GRM4: variants seen among roughly 807,000 people sequenced by gnomAD.
GRM4 encodes glutamate metabotropic receptor 4.
In GRM4, 28 loss-of-function variants were observed where a neutral mutation model predicts 81.7. That is an observed-to-expected ratio of 0.34 (90% confidence interval 0.25 to 0.47). GRM4 has a LOEUF of 0.47. Ranked by LOEUF, GRM4 falls within the 20% of genes least tolerant of loss-of-function variation. The probability of loss-of-function intolerance (pLI) is 1.00; values close to 1 mark genes in which losing one functional copy is unlikely to be tolerated. For missense variants in GRM4, 948 were observed against 1,290.0 expected (o/e 0.73, Z 4.06); for synonymous variants, 488 against 528.8 (o/e 0.92, Z 1.06).
At chr6:34,135,544 T>C (rs1028065686) in intron 1 of GRM4, among the ~76,000 whole-genome samples, 1 of 152,194 alleles carries the variant, frequency 6.6e-6, no homozygotes, top group Non-Finnish European at 1.5e-5. Flanking sequence ...AGTTTCATAA[T>C]ACCACCCTCT....
At chr6:34,055,311 CA>C (rs1765813748) in intron 6 of GRM4, 1 of 152,208 alleles carries the variant, frequency 6.6e-6, no homozygotes, top group Non-Finnish European at 1.5e-5. Context: ...CAAACACTGC[CA>C]CACTGGGCAC....
chr6:34,078,508 C>T lies in GRM4; in HGVS notation c.736+13375G>A, dbSNP rs1393360951. 6.6e-6 allele frequency among the ~76,000 whole-genome samples: 1 copy of T among 152,154 alleles called. No individual in the cohort carries two copies. Among genetic ancestry groups the T allele is most frequent in the Non-Finnish European group, 1.5e-5 (1 of 68,030 alleles). On this transcript the variant is annotated intron_variant, in intron 3 of 10. Coordinates refer to ENST00000538487, the MANE Select transcript of GRM4 (RefSeq NM_000841.4). This position sits in a 1 kb window ranked among gnomAD's most constrained non-coding sequence, Gnocchi z 4.8. ...TCCACCCCGTCTTCTTCCCCACCTC[C>T]ACCTTTCTATCTCACCGTCCTCTCT...
chr6:34,022,680 C>A lies in GRM4; in HGVS notation c.*141G>T. 1.4e-6 allele frequency: 1 copy of A among 706,046 alleles called. No individual in the cohort carries two copies. The highest frequency in any genetic ancestry group is 2.2e-5 in the Admixed American group (1 of 45,234). 43.7% of individuals were successfully genotyped at this position (706,046 alleles called of 1,614,324 possible). ...GGCTGCCAGCAGTGATGGCTGGGGGCTCTGCTATCCTCAGCACCAAGCCAC... is the reference window on the plus strand; with the variant it reads ...GGCTGCCAGCAGTGATGGCTGGGGGATCTGCTATCCTCAGCACCAAGCCAC... On this transcript the variant is annotated 3_prime_UTR_variant, in exon 11 of 11. Coordinates refer to ENST00000538487, the MANE Select transcript of GRM4 (RefSeq NM_000841.4). The surrounding 1 kb of genome is among the most constrained non-coding windows in gnomAD (Gnocchi z 5.6).
At chr6:34,101,128 T>C (rs149060697) in intron 2 of GRM4, among the ~76,000 whole-genome samples, 36 of 152,324 alleles carry the variant, frequency 2.4e-4, no homozygotes, top group Non-Finnish European at 4.0e-4. Context: ...TTCACACTCA[T>C]CACAGGCTGG....
intron 6 of GRM4, 93 bp downstream of exon 6, chr6:34,056,451 G>A: frequency 8.3e-7 from 1 of 1,199,386 alleles, no homozygotes; most frequent in Non-Finnish European, 1.2e-6. Context: ...GCCGACGACA[G>A]ACAAAGGGAG....
In GRM4 at chr6:34,089,804, C is replaced by T. The variant is rs886464105; in HGVS notation, c.736+2079G>A. ...TTCAGCCAAAACACAATGCCCAGAC[C>T]CCACCCCCATCCCATGCCTCTCCTG... On this transcript the variant is annotated intron_variant, in intron 3 of 10. Coordinates refer to ENST00000538487, the MANE Select transcript of GRM4 (RefSeq NM_000841.4). This position sits in a 1 kb window ranked among gnomAD's most constrained non-coding sequence, Gnocchi z 4.3. Among the ~76,000 whole-genome samples the T allele has an allele frequency of 6.6e-6, 1 of 152,038 alleles. No homozygotes were observed. Among genetic ancestry groups the T allele is most frequent in the African/African-American group, 2.4e-5 (1 of 41,384 alleles).
chr6:34,142,320 C>T (rs556107472), intron 1 of GRM4, among the ~76,000 whole-genome samples: 14 of 152,174 alleles, frequency 9.2e-5, no homozygotes, highest in Admixed American at 3.3e-4. Flanking sequence ...AGCCAACAGC[C>T]GGCAGGCCCA....
At chr6:34,126,354 G>A (rs1770019674) in intron 2 of GRM4, among the ~76,000 whole-genome samples, 1 of 152,200 alleles carries the variant, frequency 6.6e-6, no homozygotes, top group Admixed American at 6.5e-5. Context: ...TAAGTGCTAT[G>A]TAAATGTTCC....
chr6:34,050,370 T>C (rs926980441), intron 6 of GRM4, among the ~76,000 whole-genome samples: 6 of 152,140 alleles, frequency 3.9e-5, no homozygotes, highest in African/African-American at 1.2e-4. Context: ...GTTTGAATCA[T>C]GGGGGCGGAT....
rs1327940285 is a variant in GRM4, at chr6:34,021,270, G to C, written c.*1551C>G. 1 of 152,464 alleles carries C rather than the reference G, an allele frequency of 6.6e-6. No homozygotes were observed. The highest frequency in any genetic ancestry group is 6.5e-5 in the Admixed American group (1 of 15,294). 9.4% of individuals were successfully genotyped at this position (152,464 alleles called of 1,614,324 possible). ...TGCACACAGACACACAGCCAACACA[G>C]CCAACACAGCCACACGGCCATGCCT... On this transcript the variant is annotated 3_prime_UTR_variant, in exon 11 of 11. Coordinates refer to ENST00000538487, the MANE Select transcript of GRM4 (RefSeq NM_000841.4). The surrounding 1 kb of genome is among the most constrained non-coding windows in gnomAD (Gnocchi z 5.3).
rs1179634602 is a variant in GRM4 at position 34,020,531 on chromosome 6, AC to A, written c.*2289del. On this transcript the variant is annotated 3_prime_UTR_variant, in exon 11 of 11. Transcript: ENST00000538487. ...TCTGCATTCCCCATCCCTACCCCCC[AC>A]CCCCCCACCCCCAACTGCCCTGGAA... The A allele has an allele frequency of 1.6e-5, 1 of 62,348 alleles. No homozygotes were observed. The highest frequency in any genetic ancestry group is 3.3e-5 in the Non-Finnish European group (1 of 30,190). 3.9% of individuals were successfully genotyped at this position (62,348 alleles called of 1,614,324 possible).
At chr6:34,028,470 A>C in intron 9 of GRM4, 104 bp from the exon 10 acceptor site, 1 of 1,294,300 alleles carries the variant, frequency 7.7e-7, no homozygotes, top group Non-Finnish European at 1.1e-6. Context: ...CGCTGCCTTC[A>C]GGCAGAAGGA....
rs1433191146 is a variant in GRM4, at chr6:34,121,573, C to T, written c.519+11405G>A. On this transcript the variant is annotated intron_variant, in intron 2 of 10. Transcript: ENST00000538487. This position sits in a 1 kb window ranked among gnomAD's most constrained non-coding sequence, Gnocchi z 4.6. The stretch of plus-strand genomic sequence containing the variant: ...ACTCTGATAGTTTTCAATCCCTCTT[C>T]GCCCTGGAGGTGGCTGGAGACCAGG... Among the ~76,000 whole-genome samples, 1 of 152,226 alleles carries T rather than the reference C, an allele frequency of 6.6e-6. No homozygotes were observed. Among genetic ancestry groups the T allele is most frequent in the Non-Finnish European group, 1.5e-5 (1 of 68,044 alleles).
chr6:34,085,595 AAAG>A (rs751232343), intron 3 of GRM4, among the ~76,000 whole-genome samples: 4 of 152,186 alleles, frequency 2.6e-5, no homozygotes, highest in Non-Finnish European at 5.9e-5. Context: ...GAAGAGAGCT[AAAG>A]AAGAAGTGAG....
In GRM4 at chr6:34,036,335, A is replaced by C. The variant is rs1051842454; in HGVS notation, c.1775T>G (p.Leu592Arg). Reference protein sequence around the residue: ...EWGSPWAVLPLFLAVVGIAAT... With the variant: ...EWGSPWAVLPRFLAVVGIAAT... ...AGCGATGCCCACCACGGCCAGGAAG[A>C]GGGGCAGCACGGCCCAGGGCGAGCC... The change falls in exon 9 of 11, where the codon CTC (leucine) becomes CGC (arginine). Residue 592 changes from leucine to arginine, a missense_variant. By Grantham distance (102) the Leu-to-Arg change is moderately radical (BLOSUM62 -2). Coordinates refer to ENST00000538487, the MANE Select transcript of GRM4 (RefSeq NM_000841.4). The surrounding 1 kb of genome is among the most constrained non-coding windows in gnomAD (Gnocchi z 9.0). 2 of 1,613,900 alleles carry C rather than the reference A, an allele frequency of 1.2e-6. No individual in the cohort carries two copies. Among genetic ancestry groups the C allele is most frequent in the Admixed American group, 3.3e-5 (2 of 60,008 alleles).
intron 3 of GRM4, among the ~76,000 whole-genome samples, chr6:34,086,587 T>C (rs1767901008): frequency 6.6e-6 from 1 of 152,180 alleles, no homozygotes; most frequent in African/African-American, 2.4e-5. Flanking sequence ...CTAGATGCAC[T>C]TACCTGAGAG....
chr6:34,087,688 ACACACACACAACCCCCCCCC>A (rs1767972862), intron 3 of GRM4, among the ~76,000 whole-genome samples: 1 of 135,064 alleles, frequency 7.4e-6, no homozygotes. Context: ...GTGCCCGCAC[ACACACACACAACCCCCCCCC>A]CACACACACA....
intron 2 of GRM4, among the ~76,000 whole-genome samples, chr6:34,109,785 C>T (rs1278377892): frequency 1.3e-5 from 2 of 152,256 alleles, no homozygotes; most frequent in South Asian, 2.1e-4. Context: ...CCAGCACCTG[C>T]GGCTGCCAGG....
At chr6:34,155,293 G>A (rs1314622572) in exon 1 of GRM4, 3 of 1,531,790 alleles carry the variant, frequency 2.0e-6, no homozygotes, top group South Asian at 1.2e-5. Context: ...GGAGGAAGGT[G>A]GGGTACAGGG....
Sources: gnomAD v4.1 joint callset for allele counts (sites outside exome capture counted in the v4.1 genomes callset) on GRCh38, gnomAD v4.1.1 for gene constraint, Gnocchi (gnomAD v3.1) non-coding constraint, MANE v1.5 for transcripts, NCBI Gene and HGNC (gene_info 2026-07-23, HGNC 2026-07-21) for gene names.